FBN2: variants seen among roughly 807,000 people sequenced by gnomAD.
FBN2 encodes the protein fibrillin-2.
In FBN2, 105 loss-of-function variants were observed where a neutral mutation model predicts 355.6. The ratio of observed to expected loss-of-function variants is 0.30; its 90% confidence interval spans 0.25 to 0.35. The LOEUF (loss-of-function observed/expected upper bound fraction) is 0.35, where lower values mean the gene tolerates loss of function less well. FBN2 is among the 10% of genes least tolerant of loss of function. The probability of loss-of-function intolerance (pLI) is 1.00; values close to 1 mark genes in which losing one functional copy is unlikely to be tolerated. For synonymous variants in FBN2, 1,350 were observed against 1,301.2 expected (o/e 1.04, Z -0.81); for missense variants, 3,280 against 3,758.7 (o/e 0.87, Z 3.33).
chr5:128,521,982 T>A (rs929010674), intron 4 of FBN2, among the ~76,000 whole-genome samples: 4 of 152,148 alleles, frequency 2.6e-5, no homozygotes, highest in Admixed American at 1.3e-4. Flanking sequence ...AATATTTATC[T>A]TAGCTTATAA....
rs1754721064 is a variant in FBN2 at position 128,466,658 on chromosome 5, T to C, written c.629-1737A>G. 3.3e-5 allele frequency among the ~76,000 whole-genome samples: 5 copies of C among 152,158 alleles called. No homozygotes were observed. In the South Asian group the frequency reaches 8.3e-4, roughly 25 times the overall value. On this transcript the variant is annotated intron_variant, in intron 5 of 64. Coordinates refer to ENST00000262464, the MANE Select transcript of FBN2 (RefSeq NM_001999.4). Reference sequence around the variant, plus strand: ...CAATATTAAGAAACAAAATCGAGAATAGGTAATTTCTTGGCAAGCCATTTT... The same window carrying C: ...CAATATTAAGAAACAAAATCGAGAACAGGTAATTTCTTGGCAAGCCATTTT...
At chr5:128,455,906 G>C (rs1754370190) in intron 6 of FBN2, among the ~76,000 whole-genome samples, 1 of 144,026 alleles carries the variant, frequency 6.9e-6, no homozygotes, top group Non-Finnish European at 1.5e-5. Flanking sequence ...AGCCTATGGA[G>C]CCCCCCGGGG....
At chr5:128,381,173 C>A (rs985661438) in intron 11 of FBN2, among the ~76,000 whole-genome samples, 2 of 151,904 alleles carry the variant, frequency 1.3e-5, no homozygotes, top group African/African-American at 4.8e-5. Flanking sequence ...AAAAACATTG[C>A]TAACAGCAGT....
chr5:128,441,914 T>C (rs10067405), intron 7 of FBN2: 11,529 of 152,446 alleles, frequency 0.076, 500 homozygotes, highest in Non-Finnish European at 0.094. Flanking sequence ...TTTTAATGAG[T>C]TTTCCCCTTG....
intron 48 of FBN2, among the ~76,000 whole-genome samples, chr5:128,297,940 T>G (rs1466571447): frequency 6.6e-6 from 1 of 151,966 alleles, no homozygotes; most frequent in Non-Finnish European, 1.5e-5. Context: ...CTCGATGGTC[T>G]TTACATTTTG....
intron 6 of FBN2, among the ~76,000 whole-genome samples, chr5:128,456,257 A>T (rs749935510): frequency 1.3e-5 from 2 of 151,954 alleles, no homozygotes; most frequent in Non-Finnish European, 2.9e-5. Flanking sequence ...AGGATCTCCG[A>T]TAACTCCAGC....
At position 128,393,456 on chromosome 5, in the gene FBN2, G is replaced by A. The variant is rs1752574467; in HGVS notation, c.1232-88C>T. 4 of 1,071,694 alleles carry A rather than the reference G, an allele frequency of 3.7e-6. No homozygotes were observed. The South Asian group carries it at 3.9e-5, about 10-fold the overall frequency. 66.4% of individuals were successfully genotyped at this position (1,071,694 alleles called of 1,614,324 possible). On this transcript the variant is annotated intron_variant, in intron 9 of 64. Transcript: ENST00000262464. ...TGGTACACTGTACTAAGTCACTTTG[G>A]GTTACCTATACTACACAATATGATT...
At chr5:128,312,588 T>G in intron 37 of FBN2, 46 bp downstream of exon 37, 1 of 1,606,732 alleles carries the variant, frequency 6.2e-7, no homozygotes, top group Non-Finnish European at 8.5e-7. Context: ...CAACAAATCT[T>G]TAGATACCAG....
chr5:128,476,673 A>T (rs565712597), intron 5 of FBN2, among the ~76,000 whole-genome samples: 28 of 152,306 alleles, frequency 1.8e-4, no homozygotes, highest in Admixed American at 5.9e-4. Context: ...AGACAAAAAA[A>T]AAATAAATAA....
At chr5:128,408,882 G>A (rs1288862116) in intron 7 of FBN2, 83 bp from the exon 8 acceptor site, 26 of 1,479,902 alleles carry the variant, frequency 1.8e-5, no homozygotes, top group Non-Finnish European at 2.5e-5. Context: ...TTAAGAGTAT[G>A]AGAGCATTCA....
rs549570593 is a variant in FBN2, at chr5:128,270,887, A to G, written c.7960+1112T>C. ...GGAAAAAAAAGTGAATTAAATTTAT[A>G]AAGTTATTTTGAATAACTGCCTAAT... On this transcript the variant is annotated intron_variant, in intron 62 of 64. Coordinates refer to ENST00000262464, the MANE Select transcript of FBN2 (RefSeq NM_001999.4). Among the ~76,000 whole-genome samples, 40 of 152,350 alleles carry G rather than the reference A, an allele frequency of 2.6e-4. No homozygotes were observed. The South Asian group carries it at 8.1e-3, about 31-fold the overall frequency.
intron 48 of FBN2, among the ~76,000 whole-genome samples, chr5:128,298,981 G>T (rs1363638930): frequency 6.6e-6 from 1 of 152,090 alleles, no homozygotes; most frequent in Non-Finnish European, 1.5e-5. Flanking sequence ...TCTACTTTTG[G>T]TCTTTGATGA....
Position 128,393,244 on chromosome 5 carries a change from G to C in FBN2, c.1356C>G (p.Gly452=), listed in dbSNP as rs1450217383. The C allele has an allele frequency of 6.2e-7, 1 of 1,614,104 alleles. No individual in the cohort carries two copies. The highest frequency in any genetic ancestry group is 1.3e-5 in the African/African-American group (1 of 75,036). The change falls in exon 10 of 65, where the codon GGC becomes GGG. Residue 452 remains glycine, a synonymous_variant. Coordinates refer to ENST00000262464, the MANE Select transcript of FBN2 (RefSeq NM_001999.4). ...TGGGGATGAAGCCTGTCCCTCCTGG[G>C]CCATAGCCATTGCCATTGCCACTTG... ...FAPSGNGNGY[G]PGGTGFIPIP...
rs1165383886 is a variant in FBN2, at chr5:128,536,326, T to C, written c.337+76A>G. The C allele has an allele frequency of 4.6e-5, 51 of 1,115,996 alleles. 1 individual carries two copies. In the Admixed American group the frequency reaches 9.2e-4, roughly 20 times the overall value. 69.1% of individuals were successfully genotyped at this position (1,115,996 alleles called of 1,614,324 possible). A position where few individuals can be genotyped will look rare whatever the true frequency, so the allele number is the denominator to read the frequency against. ...TTTTAAACGCAACTATGCGTCCAAA[T>C]GGCTGAGTGCAAGAGGTCGGCCGGA... is the stretch of plus-strand genomic sequence containing the variant. On this transcript the variant is annotated intron_variant, in intron 2 of 64. Transcript: ENST00000262464.
chr5:128,340,833 C>CTA lies in FBN2; in HGVS notation c.3344-1773_3344-1772insTA, dbSNP rs1363141448. Reference sequence around the variant, plus strand: ...TCTCTCTCTCCCTCTCTCTCTCTCTCTCTATATATATATGCAAACTTCTCT... The same window carrying CTA: ...TCTCTCTCTCCCTCTCTCTCTCTCTCTATCTATATATATATGCAAACTTCTCT... On this transcript the variant is annotated intron_variant, in intron 25 of 64. Coordinates refer to ENST00000262464, the MANE Select transcript of FBN2 (RefSeq NM_001999.4). Among the ~76,000 whole-genome samples the CTA allele has an allele frequency of 5.0e-3, 755 of 150,672 alleles. 4 individuals are homozygous for CTA. The highest frequency in any genetic ancestry group is 0.013 in the East Asian group (65 of 5,142).
At chr5:128,516,776 C>G (rs1295061514) in intron 5 of FBN2, among the ~76,000 whole-genome samples, 2 of 152,078 alleles carry the variant, frequency 1.3e-5, no homozygotes, top group Non-Finnish European at 2.9e-5. Flanking sequence ...CCAACCTCAA[C>G]ATAAGTGAGT....
At chr5:128,414,616 C>T (rs1396909571) in intron 7 of FBN2, among the ~76,000 whole-genome samples, 1 of 152,022 alleles carries the variant, frequency 6.6e-6, no homozygotes, top group Non-Finnish European at 1.5e-5. Context: ...TTTGTGTAGA[C>T]ATATGTTTTC....
intron 7 of FBN2, among the ~76,000 whole-genome samples, chr5:128,419,512 T>C (rs1753289586): frequency 6.6e-6 from 1 of 152,150 alleles, no homozygotes; most frequent in African/African-American, 2.4e-5. Context: ...CTATTCTTAA[T>C]TTTCTGATTA....
chr5:128,537,978 G>T lies in FBN2; in HGVS notation c.-375C>A, dbSNP rs182252381. ...ATTTCAAAAAATGTGAACCTCAAAA[G>T]AAAAAAGGGCCTGCACGCAGAGCTC... On this transcript the variant is annotated 5_prime_UTR_variant, in exon 1 of 65. Coordinates refer to ENST00000262464, the MANE Select transcript of FBN2 (RefSeq NM_001999.4). 4.4e-5 allele frequency: 13 copies of T among 293,000 alleles called. No individual in the cohort carries two copies. The highest frequency in any genetic ancestry group is 7.6e-5 in the Non-Finnish European group (12 of 157,918). The allele number at this position is 293,000 out of a possible 1,614,324, so 18.2% of individuals were successfully genotyped here.
Sources: gnomAD v4.1 joint callset for allele counts (sites outside exome capture counted in the v4.1 genomes callset) on GRCh38, gnomAD v4.1.1 for gene constraint, MANE v1.5 for transcripts, NCBI Gene and HGNC (gene_info 2026-07-23, HGNC 2026-07-21) for gene names.